Variants in SPECC1 observed in about 807,000 individuals in gnomAD.
SPECC1 encodes cytospin-B.
Under a neutral mutation model 104.1 loss-of-function variants are expected in SPECC1, and 62 were observed. The ratio of observed to expected loss-of-function variants is 0.60; its 90% CI spans 0.49 to 0.74. The LOEUF is 0.74. SPECC1 is among the 30% of genes least tolerant of loss of function. The probability of loss-of-function intolerance (pLI) is 0.00; values close to 1 mark genes in which losing one functional copy is unlikely to be tolerated. For missense variants in SPECC1, 1,306 were observed against 1,310.5 expected, an observed-to-expected ratio of 1.00 and a Z score of 0.05; for synonymous variants, 513 against 501.6, an observed-to-expected ratio of 1.02 and a Z score of -0.30.
At chr17:20,038,071 C>A (rs970576938) in intron 1 of SPECC1, among the ~76,000 whole-genome samples, 1 of 152,034 alleles carries the variant, frequency 6.6e-6, no homozygotes, top group Admixed American at 6.6e-5. Context: ...TCTAATTATG[C>A]TTTCATTCTA....
rs117161922 is a variant in SPECC1 at position 20,113,903 on chromosome 17, A to G, written c.283+3341A>G. ...AATATTCATTTAATTCAAATACCAAATAGTTTTACATAGGGCCATCTTAGA... is the reference window on the plus strand; with the variant it reads ...AATATTCATTTAATTCAAATACCAAGTAGTTTTACATAGGGCCATCTTAGA... On this transcript the variant is annotated intron_variant, in intron 3 of 14. Coordinates refer to ENST00000395527, the MANE Select transcript of SPECC1 (RefSeq NM_001243439.2). 1.9e-3 allele frequency among the ~76,000 whole-genome samples: 283 copies of G among 152,334 alleles called. 1 individual carries two copies. The highest frequency in any genetic ancestry group is 3.1e-3 in the Non-Finnish European group (208 of 68,030).
chr17:20,053,708 G>A (rs1372801496), intron 1 of SPECC1, among the ~76,000 whole-genome samples: 1 of 152,178 alleles, frequency 6.6e-6, no homozygotes, highest in Non-Finnish European at 1.5e-5. Context: ...GCAGGTGAGT[G>A]AACTCCTTGG....
intron 3 of SPECC1, among the ~76,000 whole-genome samples, chr17:20,195,047 C>G (rs545392422): frequency 3.3e-5 from 5 of 152,214 alleles, no homozygotes; most frequent in African/African-American, 9.6e-5. Context: ...ATATTACTTC[C>G]GTTTTTTATT....
intron 3 of SPECC1, among the ~76,000 whole-genome samples, chr17:20,187,608 A>T (rs78575560): frequency 1.3e-5 from 2 of 152,284 alleles, no homozygotes; most frequent in East Asian, 3.9e-4. Context: ...GTTGAGCCAG[A>T]CCTGAAGTTG....
chr17:20,075,600 G>A (rs1040747988), intron 1 of SPECC1, among the ~76,000 whole-genome samples: 21 of 152,054 alleles, frequency 1.4e-4, no homozygotes, highest in African/African-American at 4.8e-4. Flanking sequence ...CCAGGAGTTC[G>A]AGAACAGCCT....
intron 3 of SPECC1, among the ~76,000 whole-genome samples, chr17:20,139,685 A>T (rs1049410764): frequency 6.6e-6 from 1 of 151,886 alleles, no homozygotes; most frequent in Non-Finnish European, 1.5e-5. Context: ...TTATTTATTT[A>T]TTTTTTGAGA....
intron 1 of SPECC1, among the ~76,000 whole-genome samples, chr17:20,069,593 T>A (rs1567823167): frequency 1.3e-5 from 2 of 152,174 alleles, no homozygotes; most frequent in African/African-American, 4.8e-5. Context: ...TTGAAAAGAC[T>A]GTCTCCCATT....
Position 20,314,201 on chromosome 17 carries a change from C to G in SPECC1, c.*136C>G, listed in dbSNP as rs1258753711. The G allele has an allele frequency of 4.5e-5, 32 of 704,294 alleles. No homozygotes were observed. Among genetic ancestry groups the G allele is most frequent in the Non-Finnish European group, 7.4e-5 (30 of 404,026 alleles). 43.6% of individuals were successfully genotyped at this position (704,294 alleles called of 1,614,324 possible). ...CAAAGACAGGCTCAATCCAAGTGGA[C>G]CAACACCCAAATAAGAAACAGAGTG... On this transcript the variant is annotated 3_prime_UTR_variant, in exon 15 of 15. Coordinates refer to ENST00000395527, the MANE Select transcript of SPECC1 (RefSeq NM_001243439.2).
At position 20,156,284 on chromosome 17, in the gene SPECC1, C is replaced by CT. The variant is rs558898635; in HGVS notation, c.283+45722_283+45723insT. On this transcript the variant is annotated intron_variant, in intron 3 of 14. Transcript: ENST00000395527. ...GCGCCGCAGCCGCAACCCCACCCCC[C>CT]CTCCAGGCGCCCTTCCCCCACCGCC... is the stretch of plus-strand genomic sequence containing the variant. 3.7e-5 allele frequency: 48 copies of CT among 1,293,342 alleles called. No homozygotes were observed. In the African/African-American group the frequency reaches 5.4e-4, roughly 14 times the overall value. The allele number at this position is 1,293,342 out of a possible 1,614,324, so 80.1% of individuals were successfully genotyped here. A position where few individuals can be genotyped will look rare whatever the true frequency, so the allele number is the denominator to read the frequency against.
At chr17:20,145,552 GGAA>G (rs1193188965) in intron 3 of SPECC1, among the ~76,000 whole-genome samples, 4 of 152,120 alleles carry the variant, frequency 2.6e-5, no homozygotes, top group Non-Finnish European at 1.5e-5. Flanking sequence ...AGAGTCCCAT[GGAA>G]GAAGAAGGTT....
chr17:20,100,091 G>C (rs1263908237), intron 2 of SPECC1, among the ~76,000 whole-genome samples: 1 of 152,062 alleles, frequency 6.6e-6, no homozygotes, highest in African/African-American at 2.4e-5. Context: ...TTGTTGTATT[G>C]TTAATTTTTA....
At chr17:20,101,467 G>A (rs1293266245) in intron 2 of SPECC1, among the ~76,000 whole-genome samples, 1 of 152,122 alleles carries the variant, frequency 6.6e-6, no homozygotes, top group Non-Finnish European at 1.5e-5. Context: ...GTCTTCTTTT[G>A]AGAAGTGTCT....
chr17:20,055,694 G>T (rs1263355063), intron 1 of SPECC1, among the ~76,000 whole-genome samples: 2 of 152,226 alleles, frequency 1.3e-5, no homozygotes, highest in Non-Finnish European at 1.5e-5. Flanking sequence ...TTTCACTAAA[G>T]GCAGTGAAGA....
chr17:20,140,368 A>G (rs2030626591), intron 3 of SPECC1, among the ~76,000 whole-genome samples: 1 of 152,180 alleles, frequency 6.6e-6, no homozygotes, highest in South Asian at 2.1e-4. Flanking sequence ...CTTAAGAGGA[A>G]GATTGGATAC....
rs143956384 is a variant in SPECC1, at chr17:20,240,102, G to A, written c.2352-5824G>A. 7.5e-5 allele frequency among the ~76,000 whole-genome samples: 8 copies of A among 105,986 alleles called. No individual in the cohort carries two copies. The East Asian group carries it at 1.7e-3, about 22-fold the overall frequency. 69.5% of individuals were successfully genotyped at this position (105,986 alleles called of 152,430 possible). On this transcript the variant is annotated intron_variant, in intron 7 of 14. Transcript: ENST00000395527. ...TTTTTTTTTTTTTTTTGGTAGACACGAGGTCTCACTGTGTTGCACAGAGAG... is the reference window on the plus strand; with the variant it reads ...TTTTTTTTTTTTTTTTGGTAGACACAAGGTCTCACTGTGTTGCACAGAGAG...
chr17:20,083,599 A>T (rs1190858144), intron 1 of SPECC1, among the ~76,000 whole-genome samples: 1 of 151,772 alleles, frequency 6.6e-6, no homozygotes, highest in East Asian at 1.9e-4. Context: ...ATTGCTGAGT[A>T]CTAGTCTAAT....
At chr17:20,253,972 T>C (rs1291386432) in intron 10 of SPECC1, among the ~76,000 whole-genome samples, 1 of 152,118 alleles carries the variant, frequency 6.6e-6, no homozygotes, top group Non-Finnish European at 1.5e-5. Context: ...TGGCATATTG[T>C]TTTTTAACTG....
intron 3 of SPECC1, among the ~76,000 whole-genome samples, chr17:20,174,220 C>T (rs2034301169): frequency 6.6e-6 from 1 of 152,088 alleles, no homozygotes; most frequent in Admixed American, 6.5e-5. Context: ...TAAGCCACTA[C>T]ACCTGGCTGG....
At chr17:20,136,092 A>AT in intron 3 of SPECC1, among the ~76,000 whole-genome samples, 1 of 152,046 alleles carries the variant, frequency 6.6e-6, no homozygotes, top group Non-Finnish European at 1.5e-5. Flanking sequence ...AGTTTGGCTT[A>AT]TTTTGTGTAC....
Sources: gnomAD v4.1 joint callset for allele counts (sites outside exome capture counted in the v4.1 genomes callset) on GRCh38, gnomAD v4.1.1 for gene constraint, MANE v1.5 for transcripts, NCBI Gene and HGNC (gene_info 2026-07-23, HGNC 2026-07-21) for gene names.